The following CMTM8 variants were observed in gnomAD, a reference collection of about 807,000 sequenced individuals.
CMTM8 encodes CKLF like MARVEL transmembrane domain containing 8.
In CMTM8, 12 loss-of-function variants were observed where a neutral mutation model predicts 18.6. That is an observed-to-expected ratio of 0.65 (90% CI 0.41 to 1.05). The LOEUF is 1.05. Ranked by LOEUF, CMTM8 falls within the 50% of genes least tolerant of loss-of-function variation. The pLI is 0.00. For missense variants in CMTM8, 217 were observed against 227.2 expected, an observed-to-expected ratio of 0.95 and a Z score of 0.29; for synonymous variants, 87 against 90.6, an observed-to-expected ratio of 0.96 and a Z score of 0.23.
chr3:32,367,979 G>A lies in CMTM8; in HGVS notation c.429G>A (p.Ala143=), dbSNP rs373166159. ...ERDSHNFNSW[A]ASSFFAFLVT... ...ACAGTCACAACTTCAACAGCTGGGC[G>A]GCCTCATCGGTGAGTAGCCCTCCAT... Residue 143 remains alanine, a synonymous_variant, in exon 3 of 4, where the codon GCG becomes GCA. Coordinates refer to ENST00000307526, the MANE Select transcript of CMTM8 (RefSeq NM_178868.5). The A allele has an allele frequency of 9.3e-6, 15 of 1,608,906 alleles. No homozygotes were observed. Among genetic ancestry groups the A allele is most frequent in the Non-Finnish European group, 1.2e-5 (14 of 1,175,324 alleles).
At chr3:32,274,680 T>C (rs1702490301) in intron 1 of CMTM8, among the ~76,000 whole-genome samples, 1 of 152,244 alleles carries the variant, frequency 6.6e-6, no homozygotes, top group Non-Finnish European at 1.5e-5. Flanking sequence ...CAAATTGTCC[T>C]AATAATGTTC....
chr3:32,260,244 G>C, intron 1 of CMTM8: 1 of 1,366,838 alleles, frequency 7.3e-7, no homozygotes, highest in Non-Finnish European at 1.0e-6. Flanking sequence ...AGCAGAAGCA[G>C]GGTACCCTTT....
At chr3:32,336,393 C>G (rs1404214527) in intron 1 of CMTM8, among the ~76,000 whole-genome samples, 1 of 152,238 alleles carries the variant, frequency 6.6e-6, no homozygotes, top group African/African-American at 2.4e-5. Context: ...GGCTGTGGAC[C>G]TGAGGCAGTG....
chr3:32,288,014 A>G (rs1439075534), intron 1 of CMTM8, among the ~76,000 whole-genome samples: 2 of 152,016 alleles, frequency 1.3e-5, no homozygotes, highest in African/African-American at 2.4e-5. Context: ...ACGATACATT[A>G]TATTTATTTG....
At chr3:32,285,770 CT>C (rs929132412) in intron 1 of CMTM8, among the ~76,000 whole-genome samples, 1 of 152,100 alleles carries the variant, frequency 6.6e-6, no homozygotes, top group Non-Finnish European at 1.5e-5. Flanking sequence ...TGAGAGGTGA[CT>C]TTTTTCTCCT....
At chr3:32,241,126 A>G (rs1260028992) in intron 1 of CMTM8, among the ~76,000 whole-genome samples, 1 of 152,142 alleles carries the variant, frequency 6.6e-6, no homozygotes, top group Non-Finnish European at 1.5e-5. Flanking sequence ...TACAGGCAGA[A>G]ATATAAGTTT....
At position 32,284,395 on chromosome 3, in the gene CMTM8, C is replaced by CA. The variant is rs1357368352; in HGVS notation, c.147+45277dup. 3.3e-5 allele frequency among the ~76,000 whole-genome samples: 5 copies of CA among 152,226 alleles called. No individual in the cohort carries two copies. The East Asian group carries it at 9.6e-4, about 29-fold the overall frequency. Reference sequence around the variant, plus strand: ...AAGTCGGGATCTGCGAGGGGAATCACATGCAGCTGGATGCCCTCTGCCAGC... The same window carrying CA: ...AAGTCGGGATCTGCGAGGGGAATCACAATGCAGCTGGATGCCCTCTGCCAGC... On this transcript the variant is annotated intron_variant, in intron 1 of 3. Transcript: ENST00000307526.
intron 1 of CMTM8, among the ~76,000 whole-genome samples, chr3:32,273,129 A>G (rs865827879): frequency 2.0e-4 from 29 of 143,026 alleles, no homozygotes; most frequent in Middle Eastern, 3.5e-3. Context: ...ATTGGAACAA[A>G]TGTGTGTGTG....
chr3:32,281,953 C>A (rs192222025), intron 1 of CMTM8, among the ~76,000 whole-genome samples: 1 of 152,214 alleles, frequency 6.6e-6, no homozygotes, highest in Admixed American at 6.5e-5. Context: ...ACTGTAAATA[C>A]AAGAGTGCCA....
At chr3:32,259,296 G>A in intron 1 of CMTM8, 1 of 683,852 alleles carries the variant, frequency 1.5e-6, no homozygotes, top group Non-Finnish European at 2.7e-6. Context: ...TCCCCTGAAG[G>A]GACCCCAGGT....
intron 1 of CMTM8, among the ~76,000 whole-genome samples, chr3:32,342,008 G>A (rs896103597): frequency 1.3e-5 from 2 of 152,018 alleles, no homozygotes; most frequent in Non-Finnish European, 2.9e-5. Flanking sequence ...AGCACTTTGG[G>A]AGGCTGAGGT....
At chr3:32,294,778 G>C (rs898107927) in intron 1 of CMTM8, among the ~76,000 whole-genome samples, 2 of 152,214 alleles carry the variant, frequency 1.3e-5, no homozygotes, top group Admixed American at 1.3e-4. Context: ...ACTGTGGCCA[G>C]ATGCGGTGGC....
intron 2 of CMTM8, among the ~76,000 whole-genome samples, chr3:32,367,432 G>T (rs1697060431): frequency 6.6e-6 from 1 of 152,136 alleles, no homozygotes. Flanking sequence ...GAATCAGCTG[G>T]GCCTGTTTTG....
chr3:32,364,519 CAG>C lies in CMTM8; in HGVS notation c.322-3351_322-3350del, dbSNP rs374586445. On this transcript the variant is annotated intron_variant, in intron 2 of 3. Transcript: ENST00000307526. ...TTCTGTCTCAAAAGAAAAAAAAAGA[CAG>C]AAAAGAAATGGACTCTGATGGAAAA... Among the ~76,000 whole-genome samples the C allele has an allele frequency of 4.3e-3, 650 of 152,040 alleles. 4 individuals are homozygous for C. Among genetic ancestry groups the C allele is most frequent in the African/African-American group, 0.015 (619 of 41,468 alleles).
chr3:32,368,876 C>T (rs377671801), intron 3 of CMTM8, among the ~76,000 whole-genome samples: 12 of 152,112 alleles, frequency 7.9e-5, no homozygotes, highest in South Asian at 6.2e-4. Flanking sequence ...TTAAAATAGC[C>T]CATCTCCAAA....
intron 1 of CMTM8, among the ~76,000 whole-genome samples, chr3:32,321,236 C>A (rs1321406118): frequency 6.6e-6 from 1 of 152,074 alleles, no homozygotes; most frequent in African/African-American, 2.4e-5. Context: ...ACACTGGGGA[C>A]TAACTAGATG....
At chr3:32,244,302 G>A (rs1329538880) in intron 1 of CMTM8, among the ~76,000 whole-genome samples, 2 of 152,152 alleles carry the variant, frequency 1.3e-5, no homozygotes, top group Non-Finnish European at 2.9e-5. Context: ...CAGTCCTCCC[G>A]CCACAGTCTC....
intron 1 of CMTM8, among the ~76,000 whole-genome samples, chr3:32,265,393 C>A (rs1231789270): frequency 6.6e-6 from 1 of 152,204 alleles, no homozygotes; most frequent in Admixed American, 6.5e-5. Flanking sequence ...TAAAGATATT[C>A]TTTGAAACCA....
chr3:32,271,187 C>T (rs1017555829), intron 1 of CMTM8, among the ~76,000 whole-genome samples: 15 of 152,116 alleles, frequency 9.9e-5, no homozygotes, highest in Non-Finnish European at 1.2e-4. Context: ...AGTGCAATGG[C>T]GTGATCTCAG....
Sources: allele counts gnomAD v4.1 joint callset (sites outside exome capture counted in the v4.1 genomes callset), GRCh38; gene constraint gnomAD v4.1.1; transcripts MANE v1.5; gene names NCBI Gene and HGNC (gene_info 2026-07-23, HGNC 2026-07-21).